Variants in SEC24B observed in about 807,000 individuals in gnomAD.
SEC24B encodes SEC24 homolog B, COPII component.
SEC24B carries 45 observed loss-of-function variants against 142.8 expected under a neutral mutation model. The ratio of observed to expected loss-of-function variants is 0.32; its 90% CI spans 0.25 to 0.40. The LOEUF (loss-of-function observed/expected upper bound fraction) is 0.40, where lower values mean the gene tolerates loss of function less well. Among genes scored for constraint, SEC24B ranks in the 10% least tolerant of loss-of-function variants. The pLI, the probability that SEC24B is intolerant of heterozygous loss-of-function variation, is 1.00. For missense variants in SEC24B, 1,409 were observed against 1,526.8 expected (o/e 0.92, Z 1.29); for synonymous variants, 574 against 568.2 (o/e 1.01, Z -0.15).
In SEC24B at chr4:109,540,874, T is replaced by TC. The variant is rs1284271822; in HGVS notation, c.*1201dup. 1 of 149,046 alleles carries TC rather than the reference T, an allele frequency of 6.7e-6. No individual in the cohort carries two copies. The highest frequency in any genetic ancestry group is 2.0e-4 in the East Asian group (1 of 5,042). The allele number at this position is 149,046 out of a possible 1,614,324, so 9.2% of individuals were successfully genotyped here. ...TCCAGCCTGGGCAACAGAGTGAGAC[T>TC]CCATCTTAAAAAAAAAAAAAAAGTA... On this transcript the variant is annotated 3_prime_UTR_variant, in exon 24 of 24. Coordinates refer to ENST00000265175, the MANE Select transcript of SEC24B (RefSeq NM_006323.5).
chr4:109,506,365 G>C lies in SEC24B; in HGVS notation c.1526G>C (p.Gly509Ala). ...GTGAACCAGCTATCCTCCAGTATAG[G>C]AGGATTGAGTCTTCAGAGTTCTCCA... ...PGVNQLSSSI[G>A]GLSLQSSPQP... is the part of the protein sequence containing the mutation. Residue 509 changes from glycine (G) to alanine (A), a missense_variant, in exon 7 of 24, where the codon GGA becomes GCA. Physicochemically the swap from Gly to Ala is moderately conservative, Grantham distance 60. Transcript: ENST00000265175. The C allele has an allele frequency of 6.2e-7, 1 of 1,605,818 alleles. No homozygotes were observed. Among genetic ancestry groups the C allele is most frequent in the South Asian group, 1.1e-5 (1 of 89,512 alleles).
chr4:109,445,940 A>G (rs1467921176), intron 1 of SEC24B, among the ~76,000 whole-genome samples: 1 of 150,568 alleles, frequency 6.6e-6, no homozygotes, highest in Non-Finnish European at 1.5e-5. Context: ...GGGGAGTGCA[A>G]TAATCAAATT....
At chr4:109,468,965 A>G (rs539122598) in intron 2 of SEC24B, among the ~76,000 whole-genome samples, 2 of 152,148 alleles carry the variant, frequency 1.3e-5, no homozygotes, top group Non-Finnish European at 2.9e-5. Flanking sequence ...TGAAGAAGTG[A>G]ATTCTAAGTA....
At chr4:109,467,133 T>C (rs989957768) in intron 2 of SEC24B, among the ~76,000 whole-genome samples, 3 of 151,726 alleles carry the variant, frequency 2.0e-5, no homozygotes, top group African/African-American at 4.8e-5. Context: ...GAGACCATCC[T>C]GGCTAACACG....
Position 109,494,849 on chromosome 4 carries a change from A to G in SEC24B, c.1481A>G (p.Tyr494Cys). Residue 494 changes from tyrosine to cysteine, a missense_variant, in exon 6 of 24, where the codon TAT (tyrosine) becomes TGT (cysteine). This residue lies in a region of SEC24B where 709 missense variants were observed against 673.5 expected (regional missense o/e 1.05). Transcript: ENST00000265175. Reference sequence around the variant, plus strand: ...CCGGTATATTCTGGATTCCAGCAGTATCCTCAAGTATGTATTCAGTCATAT... The same window carrying G: ...CCGGTATATTCTGGATTCCAGCAGTGTCCTCAAGTATGTATTCAGTCATAT... Reference protein sequence around the residue: ...SNPVYSGFQQYPQQYPGVNQL... With the variant: ...SNPVYSGFQQCPQQYPGVNQL... The G allele has an allele frequency of 6.2e-7, 1 of 1,614,134 alleles. No homozygotes were observed. Among genetic ancestry groups the G allele is most frequent in the Non-Finnish European group, 8.5e-7 (1 of 1,179,946 alleles).
intron 8 of SEC24B, among the ~76,000 whole-genome samples, chr4:109,511,480 C>A (rs1028495846): frequency 2.0e-5 from 3 of 152,128 alleles, no homozygotes; most frequent in African/African-American, 4.8e-5. Context: ...AAAGTTTCTA[C>A]TTGAATATAA....
At chr4:109,474,390 A>G (rs575522308) in intron 3 of SEC24B, among the ~76,000 whole-genome samples, 4 of 143,702 alleles carry the variant, frequency 2.8e-5, no homozygotes, top group African/African-American at 7.7e-5. Flanking sequence ...TTTTTGGCCT[A>G]TTACATTGCC....
chr4:109,506,169 TG>T (rs1736663372), intron 6 of SEC24B, among the ~76,000 whole-genome samples, 158 bp from the exon 7 acceptor site: 4 of 152,254 alleles, frequency 2.6e-5, no homozygotes, highest in Non-Finnish European at 5.9e-5. Flanking sequence ...ACTTTTGCTT[TG>T]AGTTTTTTTC....
At position 109,477,142 on chromosome 4, in the gene SEC24B, A is replaced by G. The variant is rs1433002502; in HGVS notation, c.1060+3956A>G. 4.1e-3 allele frequency among the ~76,000 whole-genome samples: 408 copies of G among 99,020 alleles called. No individual in the cohort carries two copies. In the African/African-American group the frequency reaches 0.049, roughly 12 times the overall value. The allele number at this position is 99,020 out of a possible 152,430, so 65.0% of individuals were successfully genotyped here. A position where few individuals can be genotyped will look rare whatever the true frequency, so the allele number is the denominator to read the frequency against. On this transcript the variant is annotated intron_variant, in intron 3 of 23. Transcript: ENST00000265175. ...ACAGAGCGAGACTCCGTCTCAAATA[A>G]AAAAAAAAAAAAAAAAAAAAAAAGA...
At chr4:109,475,225 T>C (rs188586978) in intron 3 of SEC24B, among the ~76,000 whole-genome samples, 1 of 152,228 alleles carries the variant, frequency 6.6e-6, no homozygotes, top group Admixed American at 6.5e-5. Context: ...TTTTCATAAG[T>C]AGGAGAATGG....
intron 2 of SEC24B, among the ~76,000 whole-genome samples, chr4:109,465,480 C>T (rs1731766875): frequency 6.6e-6 from 1 of 152,126 alleles, no homozygotes; most frequent in South Asian, 2.1e-4. Flanking sequence ...CAGAGCTTGG[C>T]CTAGAGGTCA....
intron 5 of SEC24B, among the ~76,000 whole-genome samples, chr4:109,494,396 A>G (rs1378057310): frequency 2.0e-5 from 3 of 152,206 alleles, no homozygotes; most frequent in Non-Finnish European, 4.4e-5. Flanking sequence ...GTATGACAAC[A>G]TGTAAAACAA....
intron 1 of SEC24B, 57 bp from the exon 2 acceptor site, chr4:109,462,843 GC>G (rs1196579349): frequency 7.8e-7 from 1 of 1,282,746 alleles, no homozygotes; most frequent in East Asian, 2.3e-5. Flanking sequence ...TTAAATGGGG[GC>G]TATTTTTAAA....
chr4:109,478,026 A>G (rs1450913719), intron 3 of SEC24B, among the ~76,000 whole-genome samples: 1 of 152,212 alleles, frequency 6.6e-6, no homozygotes, highest in African/African-American at 2.4e-5. Context: ...TCACGCCTGT[A>G]ATACCAGCAC....
intron 22 of SEC24B, among the ~76,000 whole-genome samples, chr4:109,534,670 T>TA (rs1725313190): frequency 6.6e-6 from 1 of 152,134 alleles, no homozygotes; most frequent in South Asian, 2.1e-4. Flanking sequence ...AGCGCAAATA[T>TA]AAAACATTTC....
intron 1 of SEC24B, among the ~76,000 whole-genome samples, chr4:109,438,811 G>A (rs1397895577): frequency 6.6e-6 from 1 of 152,132 alleles, no homozygotes; most frequent in Admixed American, 6.5e-5. Context: ...CTTCCTTGGT[G>A]TTGTATTTCT....
chr4:109,434,579 G>GT (rs1330524467), intron 1 of SEC24B, among the ~76,000 whole-genome samples: 1 of 152,232 alleles, frequency 6.6e-6, no homozygotes, highest in East Asian at 1.9e-4. Flanking sequence ...AGACAAAAGG[G>GT]TGTAAATATG....
chr4:109,461,006 C>T (rs2125928182), intron 1 of SEC24B, among the ~76,000 whole-genome samples: 1 of 151,846 alleles, frequency 6.6e-6, no homozygotes, highest in South Asian at 2.1e-4. Flanking sequence ...CAAAAGATAC[C>T]ATGAACAAAG....
At position 109,433,823 on chromosome 4, in the gene SEC24B, T is replaced by TCCGCCCACCTCCCTGAAGCGGAG. The variant is rs1278354194; in HGVS notation, c.-41_-19dup. 4 of 1,232,054 alleles carry TCCGCCCACCTCCCTGAAGCGGAG rather than the reference T, an allele frequency of 3.2e-6. No individual in the cohort carries two copies. In the East Asian group the frequency reaches 1.4e-4, roughly 43 times the overall value. The allele number at this position is 1,232,054 out of a possible 1,614,324, so 76.3% of individuals were successfully genotyped here. On this transcript the variant is annotated 5_prime_UTR_variant, in exon 1 of 24. Transcript: ENST00000265175. ...CTCTCCGGCCCCGCCTTCCCTTCCC[T>TCCGCCCACCTCCCTGAAGCGGAG]CCGCCCACCTCCCTGAAGCGGAGCC...
Sources: allele counts gnomAD v4.1 joint callset (sites outside exome capture counted in the v4.1 genomes callset), GRCh38; gene constraint gnomAD v4.1.1; regional missense constraint gnomAD v4.1.1; transcripts MANE v1.5; gene names NCBI Gene and HGNC (gene_info 2026-07-23, HGNC 2026-07-21).